The following UCHL3 variants were observed in gnomAD, a reference collection of about 807,000 sequenced individuals.
UCHL3 encodes the protein ubiquitin C-terminal hydrolase L3, also known as ubiquitin carboxyl-terminal hydrolase isozyme L3.
Under a neutral mutation model 35.8 loss-of-function variants are expected in UCHL3, and 22 were observed. The observed-to-expected ratio is 0.61, with a 90% CI of 0.44 to 0.88. UCHL3 has a LOEUF of 0.88. UCHL3 is among the 40% of genes least tolerant of loss of function. The pLI, the probability that UCHL3 is intolerant of heterozygous loss-of-function variation, is 0.00. For missense variants in UCHL3, 229 were observed against 276.9 expected, an observed-to-expected ratio of 0.83 and a Z score of 1.23; for synonymous variants, 90 against 92.8, an observed-to-expected ratio of 0.97 and a Z score of 0.17.
chr13:75,599,972 T>C (rs909693604), intron 7 of UCHL3, among the ~76,000 whole-genome samples: 2 of 152,216 alleles, frequency 1.3e-5, no homozygotes, highest in Admixed American at 1.3e-4. Flanking sequence ...AAAGTGCTGC[T>C]CCAGTGAACA....
chr13:75,567,447 T>TC, intron 5 of UCHL3, 135 bp downstream of exon 5: 1 of 729,822 alleles, frequency 1.4e-6, no homozygotes, highest in Non-Finnish European at 2.2e-6. Context: ...AAAAGCCTTT[T>TC]GTACTTTTCA....
chr13:75,580,782 A>G (rs1219969190), intron 6 of UCHL3, among the ~76,000 whole-genome samples: 1 of 152,226 alleles, frequency 6.6e-6, no homozygotes, highest in East Asian at 1.9e-4. Context: ...TGGGAAATCT[A>G]AGAAGCTGCT....
chr13:75,587,093 T>G (rs1593753540), intron 6 of UCHL3, among the ~76,000 whole-genome samples: 2 of 149,362 alleles, frequency 1.3e-5, no homozygotes, highest in East Asian at 4.0e-4. Flanking sequence ...AAAGCAGAAG[T>G]CAATGAAATT....
Position 75,605,770 on chromosome 13 carries a change from T to C in UCHL3, c.651T>C (p.Pro217=), listed in dbSNP as rs376497370. 7 of 1,613,952 alleles carry C rather than the reference T, an allele frequency of 4.3e-6. No individual in the cohort carries two copies. In the African/African-American group the frequency reaches 5.3e-5, roughly 12 times the overall value. Residue 217 remains proline (P), a synonymous_variant, in exon 9 of 9, where the codon CCT becomes CCC. Coordinates refer to ENST00000377595, the MANE Select transcript of UCHL3 (RefSeq NM_006002.5). The stretch of plus-strand genomic sequence containing the variant: ...GCAAGAAGTTTATGGAGCGCGACCC[T>C]GATGAACTAAGATTTAATGCGATTG... ...EVCKKFMERD[P]DELRFNAIAL...
At chr13:75,549,751 C>A, upstream of UCHL3, 1 of 1,448,674 alleles carries the variant, frequency 6.9e-7, no homozygotes, top group Non-Finnish European at 9.1e-7. Flanking sequence ...GGTCAAGGCG[C>A]GCGTGGGCGG....
At chr13:75,568,068 A>T (rs1180267823) in intron 5 of UCHL3, among the ~76,000 whole-genome samples, 1 of 152,184 alleles carries the variant, frequency 6.6e-6, no homozygotes, top group Non-Finnish European at 1.5e-5. Context: ...TAGGCTATAT[A>T]TATAATATAG....
At chr13:75,574,276 T>C (rs540214771) in intron 6 of UCHL3, among the ~76,000 whole-genome samples, 73 of 152,242 alleles carry the variant, frequency 4.8e-4, no homozygotes, top group African/African-American at 1.7e-3. Flanking sequence ...AAGTAGGTCC[T>C]TCTGTATTTT....
intron 6 of UCHL3, among the ~76,000 whole-genome samples, chr13:75,577,605 T>C (rs1593742589): frequency 6.6e-6 from 1 of 152,196 alleles, no homozygotes; most frequent in Non-Finnish European, 1.5e-5. Flanking sequence ...TGGCAGGAAG[T>C]TCCAATTTCA....
intron 1 of UCHL3, 41 bp from the exon 2 acceptor site, chr13:75,549,935 G>A (rs1820311637): frequency 1.2e-6 from 2 of 1,614,086 alleles, no homozygotes; most frequent in Non-Finnish European, 1.7e-6. Flanking sequence ...GCGAGTCCAC[G>A]GTGGTTTGTC....
intron 6 of UCHL3, among the ~76,000 whole-genome samples, chr13:75,579,630 A>G (rs1002137216): frequency 4.6e-5 from 7 of 151,646 alleles, no homozygotes; most frequent in African/African-American, 1.7e-4. Flanking sequence ...AGAAATGGAG[A>G]TATTAAATTA....
At chr13:75,572,571 A>G (rs891853388) in intron 6 of UCHL3, among the ~76,000 whole-genome samples, 1 of 152,110 alleles carries the variant, frequency 6.6e-6, no homozygotes, top group African/African-American at 2.4e-5. Flanking sequence ...GCATGTTCCA[A>G]ATTATCCAAT....
intron 7 of UCHL3, among the ~76,000 whole-genome samples, chr13:75,600,223 G>A (rs1206563706): frequency 6.6e-6 from 1 of 152,202 alleles, no homozygotes; most frequent in East Asian, 1.9e-4. Context: ...AAAGTGCATG[G>A]TGAAGCAGCA....
At position 75,605,791 on chromosome 13, in the gene UCHL3, G is replaced by A. The variant is rs763937455; in HGVS notation, c.672G>A (p.Ala224=). Residue 224 remains alanine (A), a synonymous_variant, in exon 9 of 9, where the codon GCG becomes GCA. Transcript: ENST00000377595. ...ERDPDELRFN[A]IALSAA ...ACCCTGATGAACTAAGATTTAATGC[G>A]ATTGCTCTTTCTGCAGCATAGCTTG... The A allele has an allele frequency of 2.3e-5, 37 of 1,613,728 alleles. 1 individual carries two copies. In the Admixed American group the frequency reaches 2.7e-4, roughly 12 times the overall value.
chr13:75,570,268 T>C (rs1267273631), intron 6 of UCHL3, among the ~76,000 whole-genome samples: 1 of 152,102 alleles, frequency 6.6e-6, no homozygotes, highest in Non-Finnish European at 1.5e-5. Context: ...GACAGAGTCT[T>C]GCTCAGTTGC....
At chr13:75,595,772 T>G (rs549226683) in intron 7 of UCHL3, among the ~76,000 whole-genome samples, 67 of 135,622 alleles carry the variant, frequency 4.9e-4, no homozygotes, top group Non-Finnish European at 8.5e-4. Flanking sequence ...CTTGGTATTT[T>G]GGCTTATACC....
intron 6 of UCHL3, among the ~76,000 whole-genome samples, chr13:75,586,515 A>C (rs1282970153): frequency 6.6e-6 from 1 of 152,014 alleles, no homozygotes; most frequent in Non-Finnish European, 1.5e-5. Flanking sequence ...AAACAACTTG[A>C]CCCTTTTGAT....
At chr13:75,580,561 C>T (rs934213883) in intron 6 of UCHL3, among the ~76,000 whole-genome samples, 1 of 152,190 alleles carries the variant, frequency 6.6e-6, no homozygotes, top group Non-Finnish European at 1.5e-5. Context: ...TCTCCCTCTC[C>T]CTCTCCTCAA....
At chr13:75,586,293 A>T (rs1392051679) in intron 6 of UCHL3, among the ~76,000 whole-genome samples, 1 of 152,046 alleles carries the variant, frequency 6.6e-6, no homozygotes, top group Non-Finnish European at 1.5e-5. Flanking sequence ...AAGGATAAAG[A>T]GGTTATCTCA....
chr13:75,593,982 CTT>C (rs1001871391), intron 6 of UCHL3, among the ~76,000 whole-genome samples: 9 of 152,238 alleles, frequency 5.9e-5, no homozygotes, highest in African/African-American at 1.7e-4. Flanking sequence ...CATTTGAAAA[CTT>C]TTCCTTTAAA....
Sources: gnomAD v4.1 joint callset for allele counts (sites outside exome capture counted in the v4.1 genomes callset) on GRCh38, gnomAD v4.1.1 for gene constraint, MANE v1.5 for transcripts, NCBI Gene and HGNC (gene_info 2026-07-23, HGNC 2026-07-21) for gene names.